The following DGKB variants were observed in gnomAD, a reference collection of about 807,000 sequenced individuals.
DGKB encodes the protein 90 kDa diacylglycerol kinase.
In DGKB, 67 loss-of-function variants were observed where a neutral mutation model predicts 114.3. The ratio of observed to expected loss-of-function variants is 0.59; its 90% CI spans 0.48 to 0.72. The LOEUF (loss-of-function observed/expected upper bound fraction) is 0.72. Among genes scored for constraint, DGKB ranks in the 30% least tolerant of loss-of-function variants. DGKB has a pLI of 0.00. For missense variants in DGKB, 907 were observed against 975.2 expected (o/e 0.93, Z 0.93); for synonymous variants, 398 against 323.1 (o/e 1.23, Z -2.49).
At chr7:14,889,794 C>G (rs1029053159) in intron 1 of DGKB, among the ~76,000 whole-genome samples, 1 of 151,502 alleles carries the variant, frequency 6.6e-6, no homozygotes, top group African/African-American at 2.4e-5. Context: ...GAATTGGAAT[C>G]TGAACAGCAT....
intron 23 of DGKB, among the ~76,000 whole-genome samples, chr7:14,231,131 C>CTT (rs565594894): frequency 2.4e-5 from 3 of 125,740 alleles, no homozygotes; most frequent in Non-Finnish European, 3.5e-5. Context: ...TTCTTTCTTT[C>CTT]TTTCTTTCTT....
At chr7:14,871,851 T>C (rs1350238365) in intron 1 of DGKB, among the ~76,000 whole-genome samples, 3 of 152,188 alleles carry the variant, frequency 2.0e-5, no homozygotes. Flanking sequence ...GGATTATAAT[T>C]AAAATGAATT....
intron 23 of DGKB, among the ~76,000 whole-genome samples, chr7:14,268,494 T>C (rs1257358897): frequency 6.6e-6 from 1 of 152,186 alleles, no homozygotes; most frequent in Admixed American, 6.6e-5. Context: ...CAGGAAGAGG[T>C]ACCCAAAGAG....
At chr7:14,853,588 C>T (rs544435828) in intron 1 of DGKB, among the ~76,000 whole-genome samples, 24 of 151,704 alleles carry the variant, frequency 1.6e-4, no homozygotes, top group Admixed American at 2.0e-4. Flanking sequence ...TTTATCAGGC[C>T]GGTCACAGTG....
At chr7:14,582,391 A>G (rs1563581587) in intron 18 of DGKB, among the ~76,000 whole-genome samples, 2 of 151,900 alleles carry the variant, frequency 1.3e-5, no homozygotes, top group Non-Finnish European at 2.9e-5. Flanking sequence ...TTATTTGCTC[A>G]TAAAAATCGA....
chr7:14,957,762 T>C (rs1786595236), intron 1 of DGKB, among the ~76,000 whole-genome samples: 1 of 152,092 alleles, frequency 6.6e-6, no homozygotes, highest in Admixed American at 6.6e-5. Context: ...TTCATGGTTT[T>C]TTCTTACTTG....
intron 17 of DGKB, among the ~76,000 whole-genome samples, chr7:14,592,211 C>T (rs1801822182): frequency 6.6e-6 from 1 of 151,834 alleles, no homozygotes; most frequent in South Asian, 2.1e-4. Flanking sequence ...TGAATGCTCG[C>T]TTTAATTATA....
chr7:14,850,750 A>T (rs1456911536), intron 1 of DGKB, among the ~76,000 whole-genome samples: 2 of 152,236 alleles, frequency 1.3e-5, no homozygotes, highest in African/African-American at 4.8e-5. Context: ...TTAAAAGCCA[A>T]TTGCATATTA....
chr7:14,390,922 A>G (rs1821212923), intron 21 of DGKB, among the ~76,000 whole-genome samples: 1 of 152,202 alleles, frequency 6.6e-6, no homozygotes, highest in South Asian at 2.1e-4. Context: ...GAGCTAGCCT[A>G]TGAAGCTGAC....
intron 20 of DGKB, among the ~76,000 whole-genome samples, chr7:14,529,055 C>G (rs918611127): frequency 2.2e-4 from 33 of 151,856 alleles, no homozygotes; most frequent in African/African-American, 8.0e-4. Flanking sequence ...TACAAACCCT[C>G]AACATTTTCT....
At chr7:14,916,556 G>A (rs536257568) in intron 1 of DGKB, among the ~76,000 whole-genome samples, 2 of 152,004 alleles carry the variant, frequency 1.3e-5, no homozygotes, top group Non-Finnish European at 2.9e-5. Context: ...GATAAAATAG[G>A]CATTACATAA....
intron 2 of DGKB, among the ~76,000 whole-genome samples, chr7:14,796,535 C>T (rs7790164): frequency 0.42 from 64,293 of 151,832 alleles, 15,940 homozygotes; most frequent in African/African-American, 0.69. Flanking sequence ...GCTTTACCCG[C>T]ACAATTCTGA....
intron 20 of DGKB, among the ~76,000 whole-genome samples, chr7:14,490,777 A>G (rs774152353): frequency 2.0e-5 from 3 of 152,186 alleles, no homozygotes; most frequent in Non-Finnish European, 2.9e-5. Flanking sequence ...CATTCCTGTG[A>G]GAACATAAAA....
At chr7:14,415,664 C>A (rs1396717823) in intron 21 of DGKB, among the ~76,000 whole-genome samples, 1 of 152,074 alleles carries the variant, frequency 6.6e-6, no homozygotes, top group Non-Finnish European at 1.5e-5. Context: ...TTAATCCAGT[C>A]TATCATTATT....
At chr7:14,307,088 C>A (rs185781709) in intron 23 of DGKB, among the ~76,000 whole-genome samples, 2 of 129,446 alleles carry the variant, frequency 1.5e-5, no homozygotes, top group Admixed American at 1.5e-4. Context: ...ATTTTCTTTT[C>A]CACCTTATTT....
At chr7:14,532,206 T>C in intron 20 of DGKB, among the ~76,000 whole-genome samples, 1 of 146,950 alleles carries the variant, frequency 6.8e-6, no homozygotes, top group African/African-American at 2.5e-5. Flanking sequence ...AAATTAAACT[T>C]CACAAGGAAC....
At chr7:14,294,391 A>G (rs1301917373) in intron 23 of DGKB, among the ~76,000 whole-genome samples, 1 of 152,150 alleles carries the variant, frequency 6.6e-6, no homozygotes, top group Non-Finnish European at 1.5e-5. Flanking sequence ...CATTCCTTAG[A>G]GAGTCAAAGA....
chr7:14,941,849 CATA>C (rs1785587593), intron 1 of DGKB, among the ~76,000 whole-genome samples: 1 of 151,942 alleles, frequency 6.6e-6, no homozygotes, highest in Admixed American at 6.6e-5. Context: ...GCAAAACAGG[CATA>C]ATAAGGTATA....
rs1418619500 is a variant in DGKB, at chr7:14,947,178, A to G, written c.-188+27518T>C. Reference sequence around the variant, plus strand: ...GATTCACCTTCTTATTTTACTAAGTATCTTTATAATGTTTCAGTTTGTTAT... The same window carrying G: ...GATTCACCTTCTTATTTTACTAAGTGTCTTTATAATGTTTCAGTTTGTTAT... On this transcript the variant is annotated intron_variant, in intron 1 of 4. Transcript: ENST00000437998. Among the ~76,000 whole-genome samples the G allele has an allele frequency of 2.0e-5, 3 of 151,820 alleles. No homozygotes were observed. The East Asian group carries it at 5.8e-4, about 29-fold the overall frequency.
Sources: gnomAD v4.1 joint callset for allele counts (sites outside exome capture counted in the v4.1 genomes callset) on GRCh38, gnomAD v4.1.1 for gene constraint, MANE v1.5 for transcripts, NCBI Gene and HGNC (gene_info 2026-07-23, HGNC 2026-07-21) for gene names.